Variants in STAB2 observed in about 807,000 individuals in gnomAD.
STAB2 encodes stabilin 2.
Under a neutral mutation model 338.1 loss-of-function variants are expected in STAB2, and 288 were observed. The ratio of observed to expected loss-of-function variants is 0.85; its 90% CI spans 0.77 to 0.94. The LOEUF is 0.94. Among genes scored for constraint, STAB2 ranks in the 40% least tolerant of loss-of-function variants. The pLI is 0.00. For missense variants in STAB2, 3,141 were observed against 3,210.1 expected (o/e 0.98, Z 0.52); for synonymous variants, 1,202 against 1,193.3 (o/e 1.01, Z -0.15).
chr12:103,709,127 C>T (rs1157447097), intron 39 of STAB2, among the ~76,000 whole-genome samples: 1 of 152,128 alleles, frequency 6.6e-6, no homozygotes, highest in Non-Finnish European at 1.5e-5. Context: ...GTCTGAGAGG[C>T]CCATTTCCTT....
chr12:103,705,303 A>G (rs185505463), intron 36 of STAB2, among the ~76,000 whole-genome samples: 1 of 152,368 alleles, frequency 6.6e-6, no homozygotes, highest in East Asian at 1.9e-4. Flanking sequence ...ACCAAAGTTC[A>G]GTTGAGTCAA....
chr12:103,752,794 C>T (rs1464653042), intron 60 of STAB2, among the ~76,000 whole-genome samples: 1 of 151,832 alleles, frequency 6.6e-6, no homozygotes, highest in Non-Finnish European at 1.5e-5. Context: ...AAAACTACAT[C>T]GGCAGTATGC....
rs1873515831 is a variant in STAB2, at chr12:103,648,723, C to T, written c.1074C>T (p.Gly358=). 4 of 1,614,066 alleles carry T rather than the reference C, an allele frequency of 2.5e-6. No homozygotes were observed. In the South Asian group the frequency reaches 3.3e-5, roughly 13 times the overall value. ...GCCAGAAAGGTTACGTGGGTGATGG[C>T]TTAACGTGTTATGGAAACATTATGG... ...CICQKGYVGD[G]LTCYGNIMER... Residue 358 remains glycine (G), a synonymous_variant, in exon 10 of 69, where the codon GGC becomes GGT. Transcript: ENST00000388887.
intron 53 of STAB2, 81 bp downstream of exon 53, chr12:103,737,861 G>A: frequency 1.3e-6 from 2 of 1,565,248 alleles, no homozygotes; most frequent in Non-Finnish European, 1.7e-6. Flanking sequence ...ACCCTGTTGT[G>A]AAACCATTAA....
chr12:103,681,443 T>C (rs920265645), intron 25 of STAB2, among the ~76,000 whole-genome samples: 1 of 152,092 alleles, frequency 6.6e-6, no homozygotes, highest in African/African-American at 2.4e-5. Context: ...ATCAGGGTTG[T>C]TTCCATCTGA....
intron 68 of STAB2, among the ~76,000 whole-genome samples, chr12:103,764,509 A>G (rs944098038): frequency 1.3e-5 from 2 of 152,198 alleles, no homozygotes; most frequent in Non-Finnish European, 2.9e-5. Context: ...TACATAACAC[A>G]TGTGGAAGTA....
intron 67 of STAB2, among the ~76,000 whole-genome samples, chr12:103,762,837 C>T (rs1162398565): frequency 6.6e-6 from 1 of 152,240 alleles, no homozygotes; most frequent in Non-Finnish European, 1.5e-5. Flanking sequence ...ATGCTGCAGC[C>T]AGTGACACTC....
At chr12:103,632,856 T>A (rs918796628) in intron 6 of STAB2, among the ~76,000 whole-genome samples, 4 of 152,184 alleles carry the variant, frequency 2.6e-5, no homozygotes, top group African/African-American at 9.7e-5. Flanking sequence ...AGCTGAGATG[T>A]TAAGAAATCG....
At chr12:103,592,480 T>C (rs1476715932) in intron 2 of STAB2, among the ~76,000 whole-genome samples, 1 of 152,208 alleles carries the variant, frequency 6.6e-6, no homozygotes, top group Non-Finnish European at 1.5e-5. Context: ...CTATCATTCA[T>C]CTATGCTGGA....
rs779938972 is a variant in STAB2 at position 103,670,720 on chromosome 12, G to C, written c.2284G>C (p.Gly762Arg). Residue 762 changes from glycine (G) to arginine (R), a missense_variant, in exon 22 of 69, where the codon GGG becomes CGG. Transcript: ENST00000388887. The part of the protein sequence containing the change: ...GQCADSLGGN[G>R]TCICEEGFQG... ...GTGTGCAGATAGCCTCGGCGGCAAC[G>C]GGACATGCATTTGTGAGGAGGGCTT... 2 of 1,613,948 alleles carry C rather than the reference G, an allele frequency of 1.2e-6. No individual in the cohort carries two copies. The highest frequency in any genetic ancestry group is 1.7e-5 in the Admixed American group (1 of 59,994).
chr12:103,764,550 G>C (rs767946561), intron 68 of STAB2, among the ~76,000 whole-genome samples: 1 of 151,968 alleles, frequency 6.6e-6, no homozygotes, highest in Non-Finnish European at 1.5e-5. Flanking sequence ...ACCAGTTCTC[G>C]ACTGAAAAAA....
chr12:103,712,301 T>C (rs1253092220), intron 40 of STAB2, 66 bp from the exon 41 acceptor site: 1 of 1,243,424 alleles, frequency 8.0e-7, no homozygotes, highest in Non-Finnish European at 1.2e-6. Flanking sequence ...TGAAGGGCAT[T>C]TGTGAGTCAT....
intron 24 of STAB2, among the ~76,000 whole-genome samples, chr12:103,676,647 G>T (rs1014759293): frequency 1.4e-4 from 21 of 152,134 alleles, no homozygotes; most frequent in Non-Finnish European, 1.8e-4. Context: ...TCTGTTGTTG[G>T]TAGGGGTGTA....
At chr12:103,672,158 G>A (rs1459823875) in intron 22 of STAB2, among the ~76,000 whole-genome samples, 1 of 152,170 alleles carries the variant, frequency 6.6e-6, no homozygotes, top group Non-Finnish European at 1.5e-5. Flanking sequence ...CATTTCCTAT[G>A]AAACACACAA....
intron 3 of STAB2, among the ~76,000 whole-genome samples, chr12:103,610,624 T>C (rs1033156405): frequency 2.6e-5 from 4 of 152,164 alleles, no homozygotes; most frequent in Non-Finnish European, 5.9e-5. Flanking sequence ...TTTGTTGATC[T>C]TTTCAAAAAA....
intron 15 of STAB2, 140 bp from the exon 16 acceptor site, chr12:103,660,190 TG>T: frequency 1.2e-6 from 1 of 832,572 alleles, no homozygotes; most frequent in Non-Finnish European, 2.0e-6. Flanking sequence ...TATTTGGAGG[TG>T]GGGTTTCTCT....
chr12:103,678,448 G>A (rs896755667), intron 25 of STAB2, among the ~76,000 whole-genome samples: 1 of 152,146 alleles, frequency 6.6e-6, no homozygotes, highest in Non-Finnish European at 1.5e-5. Context: ...AGCTTGTAGT[G>A]GAACTTGATG....
intron 22 of STAB2, 27 bp from the exon 23 acceptor site, chr12:103,673,880 C>T (rs375313058): frequency 4.4e-5 from 70 of 1,598,874 alleles, no homozygotes; most frequent in Middle Eastern, 3.5e-4. Context: ...AAGGCCTGGA[C>T]GGATGTCCCT....
Position 103,695,829 on chromosome 12 carries a change from G to A in STAB2, c.3567G>A (p.Lys1189=). The part of the protein sequence containing the change: ...NNAIENYIRE[K]KVLSLEEDVL... ...CCATCGAGAATTACATCAGGGAGAA[G>A]AAAGTCTTGTCTCTAGTAAGTGTCA... is the stretch of plus-strand genomic sequence containing the variant. The change falls in exon 33 of 69, where the codon AAG becomes AAA. Residue 1189 remains lysine (K), a synonymous_variant. Transcript: ENST00000388887. 2 of 1,614,158 alleles carry A rather than the reference G, an allele frequency of 1.2e-6. No individual in the cohort carries two copies. The highest frequency in any genetic ancestry group is 1.7e-6 in the Non-Finnish European group (2 of 1,179,994).
Sources: allele counts gnomAD v4.1 joint callset (sites outside exome capture counted in the v4.1 genomes callset), GRCh38; gene constraint gnomAD v4.1.1; transcripts MANE v1.5; gene names NCBI Gene and HGNC (gene_info 2026-07-23, HGNC 2026-07-21).